The following TTC34 variants were observed in gnomAD, a reference collection of about 807,000 sequenced individuals.
The protein encoded by TTC34 is tetratricopeptide repeat protein 34.
TTC34 carries 44 observed loss-of-function variants against 40.7 expected under a neutral mutation model. The observed-to-expected ratio is 1.08, with a 90% CI of 0.85 to 1.39. The LOEUF (loss-of-function observed/expected upper bound fraction) is 1.39, where lower values mean the gene tolerates loss of function less well. Ranked by LOEUF, TTC34 falls within the 40% of genes most tolerant of loss-of-function variation. The probability of loss-of-function intolerance (pLI) is 0.00; values close to 1 mark genes in which losing one functional copy is unlikely to be tolerated. For synonymous variants in TTC34, 422 were observed against 398.6 expected, an observed-to-expected ratio of 1.06 and a Z score of -0.70; for missense variants, 884 against 838.0, an observed-to-expected ratio of 1.05 and a Z score of -0.68.
intron 2 of TTC34, among the ~76,000 whole-genome samples, chr1:2,795,337 C>T (rs761576798): frequency 3.3e-5 from 5 of 152,212 alleles, no homozygotes; most frequent in East Asian, 1.9e-4. Context: ...GTTGGTCTTA[C>T]CAGGGGTCAC....
At chr1:2,692,224 T>G (rs61765738) in intron 6 of TTC34, among the ~76,000 whole-genome samples, 1 of 14,162 alleles carries the variant, frequency 7.1e-5, no homozygotes, top group South Asian at 2.7e-3. Flanking sequence ...AGCACCCACA[T>G]CCCCAGGCGA....
chr1:2,652,744 C>G (rs368632943), intron 6 of TTC34, among the ~76,000 whole-genome samples: 2 of 149,100 alleles, frequency 1.3e-5, no homozygotes, highest in African/African-American at 5.0e-5. Flanking sequence ...GAGCATCTGA[C>G]AGACTGGAAC....
chr1:2,696,388 GC>G (rs1640867111), intron 6 of TTC34, among the ~76,000 whole-genome samples: 1 of 91,342 alleles, frequency 1.1e-5, no homozygotes, highest in Non-Finnish European at 2.7e-5. Context: ...GCCTGGAGCA[GC>G]ACCCTACACC....
intron 6 of TTC34, among the ~76,000 whole-genome samples, chr1:2,683,133 C>G (rs562344329): frequency 1.5e-5 from 2 of 137,280 alleles, no homozygotes; most frequent in East Asian, 4.2e-4. Flanking sequence ...ATTTGACAGC[C>G]TGGAACAGCA....
Position 2,687,326 on chromosome 1 carries a change from C to A in TTC34, c.2227-41763G>T, listed in dbSNP as rs552221336. On this transcript the variant is annotated intron_variant, in intron 6 of 8. Coordinates refer to ENST00000401095, the Ensembl canonical transcript of TTC34. ...GACATCGTGGAACAGCACCCCAAAC[C>A]CACAGGTGAGCATCCGACAGCCTGG... is the stretch of plus-strand genomic sequence containing the variant. 2.8e-3 allele frequency among the ~76,000 whole-genome samples: 389 copies of A among 136,874 alleles called. 8 individuals carry two copies. Among genetic ancestry groups the A allele is most frequent in the Non-Finnish European group, 4.7e-3 (303 of 65,040 alleles). The allele number at this position is 136,874 out of a possible 152,430, so 89.8% of individuals were successfully genotyped here. A position where few individuals can be genotyped will look rare whatever the true frequency, so the allele number is the denominator to read the frequency against.
At chr1:2,751,779 G>A (rs1641328822) in intron 6 of TTC34, among the ~76,000 whole-genome samples, 2 of 141,538 alleles carry the variant, frequency 1.4e-5, no homozygotes, top group South Asian at 2.3e-4. Context: ...CCACAGGTGA[G>A]CATCTGACAG....
intron 6 of TTC34, among the ~76,000 whole-genome samples, chr1:2,647,585 G>C (rs1639044874): frequency 2.0e-5 from 3 of 152,226 alleles, no homozygotes; most frequent in Admixed American, 6.5e-5. Context: ...GGTGAGCTGA[G>C]ATTGTGGCAC....
intron 6 of TTC34, among the ~76,000 whole-genome samples, chr1:2,681,672 T>C (rs1472372623): frequency 4.4e-5 from 3 of 68,808 alleles, no homozygotes; most frequent in Admixed American, 1.4e-4. Context: ...CACCCCCAGG[T>C]GAGCATTTGA....
chr1:2,784,853 T>G (rs904601744), intron 5 of TTC34, among the ~76,000 whole-genome samples: 2 of 152,250 alleles, frequency 1.3e-5, no homozygotes, highest in Non-Finnish European at 2.9e-5. Context: ...GTCTCTTGCC[T>G]CGGCACCTAG....
intron 6 of TTC34, among the ~76,000 whole-genome samples, chr1:2,652,520 C>G (rs1639181425): frequency 7.2e-5 from 9 of 125,800 alleles, no homozygotes; most frequent in Admixed American, 2.4e-4. Context: ...CAACAGCACC[C>G]ACACCTCCAG....
intron 6 of TTC34, among the ~76,000 whole-genome samples, chr1:2,686,826 TGGAGCAGCACCCCACACCCCCAGGTGAGC>T (rs1442474665): frequency 8.0e-5 from 10 of 124,664 alleles, no homozygotes; most frequent in South Asian, 2.7e-4. Context: ...TCTGACAGCC[TGGAGCAGCACCCCACACCCCCAGGTGAGC>T]ATCGGACAGC....
chr1:2,693,173 T>G (rs1401199211), intron 6 of TTC34, among the ~76,000 whole-genome samples: 4 of 33,448 alleles, frequency 1.2e-4, no homozygotes, highest in Admixed American at 3.6e-4. Flanking sequence ...ACAGCCTGGG[T>G]CCGCACCCAC....
At chr1:2,787,380 C>T in intron 4 of TTC34, 101 bp downstream of exon 4, 1 of 1,144,228 alleles carries the variant, frequency 8.7e-7, no homozygotes, top group Non-Finnish European at 1.2e-6. Flanking sequence ...GGTCCAAAGC[C>T]CAGACTGTGG....
chr1:2,751,843 C>G (rs1221488529), intron 6 of TTC34, among the ~76,000 whole-genome samples: 1 of 118,138 alleles, frequency 8.5e-6, no homozygotes, highest in Non-Finnish European at 1.7e-5. Context: ...GGAACAGCAC[C>G]CTGCACCCCC....
chr1:2,769,656 G>C (rs1238139361), intron 6 of TTC34, among the ~76,000 whole-genome samples: 1 of 138,830 alleles, frequency 7.2e-6, no homozygotes, highest in African/African-American at 2.8e-5. Context: ...TGACAGCCTG[G>C]AGCAGCACCC....
At position 2,685,181 on chromosome 1, in the gene TTC34, C is replaced by T. The variant is rs577487416; in HGVS notation, c.2227-39618G>A. Among the ~76,000 whole-genome samples the T allele has an allele frequency of 7.7e-5, 6 of 78,086 alleles. No individual in the cohort carries two copies. The East Asian group carries it at 2.3e-3, about 30-fold the overall frequency. 51.2% of individuals were successfully genotyped at this position (78,086 alleles called of 152,430 possible). On this transcript the variant is annotated intron_variant, in intron 6 of 8. Transcript: ENST00000401095. ...CAACCCCACGTGAGCATCTGACTGC[C>T]TGGAACAGCACCCACACCCCCAGGT...
rs1445894775 is a variant in TTC34 at position 2,752,734 on chromosome 1, C to G, written c.2226+30875G>C. ...GACAGCATGGAACAGCACCCTGCAC[C>G]CCCAGGACAGCATCTGACAGCGTGG... On this transcript the variant is annotated intron_variant, in intron 6 of 8. Coordinates refer to ENST00000401095, the Ensembl canonical transcript of TTC34. 3.6e-5 allele frequency among the ~76,000 whole-genome samples: 4 copies of G among 112,312 alleles called. 1 individual carries two copies. Among genetic ancestry groups the G allele is most frequent in the Admixed American group, 1.8e-4 (2 of 11,078 alleles). The allele number at this position is 112,312 out of a possible 152,430, so 73.7% of individuals were successfully genotyped here.
intron 7 of TTC34, among the ~76,000 whole-genome samples, chr1:2,644,885 A>T (rs1322927294): frequency 6.6e-6 from 1 of 151,520 alleles, no homozygotes; most frequent in Non-Finnish European, 1.5e-5. Context: ...CACCAGGGGG[A>T]TGTGGAAATC....
chr1:2,654,250 CA>C (rs1557587543), intron 6 of TTC34, among the ~76,000 whole-genome samples: 1 of 54,616 alleles, frequency 1.8e-5, no homozygotes, highest in Non-Finnish European at 3.8e-5. Flanking sequence ...GCACCCACAC[CA>C]CCAGGTGAGC....
Sources: allele counts gnomAD v4.1 joint callset (sites outside exome capture counted in the v4.1 genomes callset), GRCh38; gene constraint gnomAD v4.1.1; transcripts MANE v1.5; gene names NCBI Gene and HGNC (gene_info 2026-07-23, HGNC 2026-07-21).